The following PEX5L variants were observed in gnomAD, a reference collection of about 807,000 sequenced individuals.
The protein encoded by PEX5L is peroxisomal biogenesis factor 5 like.
A neutral mutation model predicts 84.0 loss-of-function variants in PEX5L; 30 were observed. That is an observed-to-expected ratio of 0.36 (90% confidence interval 0.27 to 0.48). The LOEUF (loss-of-function observed/expected upper bound fraction) is 0.48. PEX5L is among the 20% of genes least tolerant of loss of function. The probability of loss-of-function intolerance (pLI) is 0.99; values close to 1 mark genes in which losing one functional copy is unlikely to be tolerated. For synonymous variants in PEX5L, 270 were observed against 283.1 expected (o/e 0.95, Z 0.46); for missense variants, 533 against 754.6 (o/e 0.71, Z 3.44).
chr3:179,868,207 G>T (rs932930014), intron 7 of PEX5L, among the ~76,000 whole-genome samples: 4 of 151,664 alleles, frequency 2.6e-5, no homozygotes, highest in African/African-American at 9.7e-5. Flanking sequence ...GGAGCTAATG[G>T]GTTGATTTGA....
chr3:179,924,840 C>T (rs1770943067), intron 2 of PEX5L, among the ~76,000 whole-genome samples: 1 of 151,048 alleles, frequency 6.6e-6, no homozygotes, highest in Non-Finnish European at 1.5e-5. Context: ...GTATGTTGCA[C>T]ATAAGAGAAA....
At chr3:179,894,439 T>A (rs1758565597) in intron 3 of PEX5L, among the ~76,000 whole-genome samples, 1 of 152,048 alleles carries the variant, frequency 6.6e-6, no homozygotes, top group Admixed American at 6.6e-5. Context: ...AACTTTCAAC[T>A]CTTTGACTTG....
intron 2 of PEX5L, among the ~76,000 whole-genome samples, chr3:179,927,705 T>C (rs368836632): frequency 6.6e-6 from 1 of 152,152 alleles, no homozygotes; most frequent in Non-Finnish European, 1.5e-5. Flanking sequence ...GAATTGGACA[T>C]TAAAAAAACA....
At chr3:179,941,414 C>T (rs1045106173) in intron 2 of PEX5L, among the ~76,000 whole-genome samples, 3 of 152,118 alleles carry the variant, frequency 2.0e-5, no homozygotes, top group Non-Finnish European at 4.4e-5. Context: ...CCTTTTGTGT[C>T]TGCATTATTT....
intron 8 of PEX5L, among the ~76,000 whole-genome samples, chr3:179,833,894 GTGCAA>G (rs1447804995): frequency 6.6e-6 from 1 of 152,108 alleles, no homozygotes; most frequent in African/African-American, 2.4e-5. Context: ...GAGTGCAGTG[GTGCAA>G]TGATGGCTCA....
intron 2 of PEX5L, chr3:179,901,931 A>G (rs927095730): frequency 6.6e-6 from 1 of 152,232 alleles, no homozygotes; most frequent in Non-Finnish European, 1.5e-5. Context: ...TACAGAACAT[A>G]AGAAACAGCA....
intron 2 of PEX5L, among the ~76,000 whole-genome samples, chr3:179,967,643 T>G (rs564884934): frequency 6.6e-6 from 1 of 152,120 alleles, no homozygotes; most frequent in South Asian, 2.1e-4. Context: ...TTTTCTGGTC[T>G]TGTTATTACG....
chr3:179,979,901 T>C (rs540696498), intron 1 of PEX5L, among the ~76,000 whole-genome samples: 1 of 152,264 alleles, frequency 6.6e-6, no homozygotes, highest in African/African-American at 2.4e-5. Context: ...CGACTCCTCT[T>C]CCTTCTCACT....
Position 179,810,881 on chromosome 3 carries a change from G to T in PEX5L, c.1154+920C>A, listed in dbSNP as rs562522058. On this transcript the variant is annotated intron_variant, in intron 11 of 14. Transcript: ENST00000467460. ...ATTCTAATGTGCATGTGTATACAGG[G>T]TTAAGAACCACTGACTCAGAGCTCC... Among the ~76,000 whole-genome samples the T allele has an allele frequency of 1.4e-4, 21 of 152,252 alleles. No individual in the cohort carries two copies. In the East Asian group the frequency reaches 3.7e-3, roughly 27 times the overall value.
At chr3:179,953,126 T>A (rs1241087121) in intron 2 of PEX5L, among the ~76,000 whole-genome samples, 2 of 13,538 alleles carry the variant, frequency 1.5e-4, no homozygotes, top group Non-Finnish European at 2.5e-4. Context: ...GACTTAAACA[T>A]AAGACTGAAA....
intron 14 of PEX5L, among the ~76,000 whole-genome samples, chr3:179,805,207 T>C (rs1312007106): frequency 1.3e-5 from 2 of 149,190 alleles, no homozygotes; most frequent in Non-Finnish European, 1.5e-5. Context: ...TTCTCAGATT[T>C]CCCCCACCTG....
At chr3:179,970,864 G>C (rs1784545581) in intron 2 of PEX5L, among the ~76,000 whole-genome samples, 1 of 152,026 alleles carries the variant, frequency 6.6e-6, no homozygotes, top group South Asian at 2.1e-4. Context: ...CAGATGCTGT[G>C]CCACCCAGGC....
chr3:180,022,797 A>T (rs921143423), intron 1 of PEX5L, among the ~76,000 whole-genome samples: 2 of 152,094 alleles, frequency 1.3e-5, no homozygotes, highest in African/African-American at 4.8e-5. Flanking sequence ...TGCATAAAAG[A>T]TGGGTGTTTT....
At chr3:179,920,409 G>A (rs1009522383) in intron 2 of PEX5L, among the ~76,000 whole-genome samples, 2 of 152,176 alleles carry the variant, frequency 1.3e-5, no homozygotes, top group African/African-American at 4.8e-5. Flanking sequence ...AGCTTTAAGT[G>A]AGGATCTGAA....
chr3:180,001,188 C>T (rs1225414535), intron 1 of PEX5L, among the ~76,000 whole-genome samples: 2 of 151,970 alleles, frequency 1.3e-5, no homozygotes, highest in East Asian at 3.9e-4. Flanking sequence ...ATGCTTCCTG[C>T]CCTTGAACAT....
rs541248617 is a variant in PEX5L at position 180,022,671 on chromosome 3, G to T, written c.21+13908C>A. Among the ~76,000 whole-genome samples the T allele has an allele frequency of 1.6e-4, 24 of 152,268 alleles. No individual in the cohort carries two copies. In the South Asian group the frequency reaches 4.8e-3, roughly 30 times the overall value. ...CAGCTTGGTTTATACATACAATCAAGATAATATTGAGGATCTTGAAAAGTG... is the reference window on the plus strand; with the variant it reads ...CAGCTTGGTTTATACATACAATCAATATAATATTGAGGATCTTGAAAAGTG... On this transcript the variant is annotated intron_variant, in intron 1 of 14. Transcript: ENST00000467460.
intron 1 of PEX5L, among the ~76,000 whole-genome samples, chr3:179,999,240 G>A (rs1237642919): frequency 1.3e-5 from 2 of 152,210 alleles, no homozygotes; most frequent in African/African-American, 4.8e-5. Flanking sequence ...AAACTGTGAA[G>A]AAATTTGTAT....
intron 2 of PEX5L, among the ~76,000 whole-genome samples, chr3:179,962,254 T>C (rs1782263470): frequency 6.6e-6 from 1 of 152,130 alleles, no homozygotes; most frequent in African/African-American, 2.4e-5. Context: ...CATGGGACAT[T>C]TGGAAGAAAG....
At chr3:179,856,938 T>C (rs1744218836) in intron 8 of PEX5L, among the ~76,000 whole-genome samples, 1 of 152,214 alleles carries the variant, frequency 6.6e-6, no homozygotes, top group African/African-American at 2.4e-5. Flanking sequence ...AATGAACAAG[T>C]GGTTTGTCCA....
Sources: allele counts gnomAD v4.1 joint callset (sites outside exome capture counted in the v4.1 genomes callset), GRCh38; gene constraint gnomAD v4.1.1; transcripts MANE v1.5; gene names NCBI Gene and HGNC (gene_info 2026-07-23, HGNC 2026-07-21).